Variants in PLCB1 observed in about 807,000 individuals in gnomAD.
PLCB1 encodes the protein 1-phosphatidylinositol 4,5-bisphosphate phosphodiesterase beta-1.
A neutral mutation model predicts 161.8 loss-of-function variants in PLCB1; 46 were observed. The ratio of observed to expected loss-of-function variants is 0.28; its 90% CI spans 0.22 to 0.36. The LOEUF is 0.36. PLCB1 is among the 10% of genes least tolerant of loss of function. The pLI is 1.00. For missense variants in PLCB1, 1,016 were observed against 1,472.5 expected (o/e 0.69, Z 5.07); for synonymous variants, 517 against 503.7 (o/e 1.03, Z -0.35).
intron 3 of PLCB1, among the ~76,000 whole-genome samples, chr20:8,590,194 C>T (rs1214784628): frequency 6.6e-6 from 1 of 152,122 alleles, no homozygotes; most frequent in Non-Finnish European, 1.5e-5. Flanking sequence ...CTGAGACATC[C>T]TTGAAGAATT....
At chr20:8,430,427 G>C (rs1979987343) in intron 3 of PLCB1, among the ~76,000 whole-genome samples, 1 of 149,838 alleles carries the variant, frequency 6.7e-6, no homozygotes, top group African/African-American at 2.4e-5. Context: ...GAAATAGCAG[G>C]CTAAGCTGAT....
At chr20:8,526,476 C>T (rs1459312295) in intron 3 of PLCB1, among the ~76,000 whole-genome samples, 1 of 152,072 alleles carries the variant, frequency 6.6e-6, no homozygotes, top group Non-Finnish European at 1.5e-5. Flanking sequence ...TCATTTGGAA[C>T]TAGAAAATCA....
intron 31 of PLCB1, among the ~76,000 whole-genome samples, chr20:8,808,668 A>G (rs1330146368): frequency 2.6e-5 from 4 of 152,210 alleles, no homozygotes; most frequent in African/African-American, 9.6e-5. Context: ...GATAGATAAC[A>G]TAGGGTTCTA....
chr20:8,314,961 T>C (rs1984571490), intron 2 of PLCB1, among the ~76,000 whole-genome samples: 1 of 152,318 alleles, frequency 6.6e-6, no homozygotes, highest in African/African-American at 2.4e-5. Context: ...GATTTGACCT[T>C]ATGCAATTGT....
intron 2 of PLCB1, among the ~76,000 whole-genome samples, chr20:8,173,151 T>C (rs894046925): frequency 1.3e-5 from 2 of 152,106 alleles, no homozygotes; most frequent in African/African-American, 2.4e-5. Flanking sequence ...CCCATGCCCA[T>C]GACAACAAGC....
intron 3 of PLCB1, among the ~76,000 whole-genome samples, chr20:8,484,345 A>AGCT (rs1182912251): frequency 6.7e-6 from 1 of 148,210 alleles, no homozygotes; most frequent in Non-Finnish European, 1.5e-5. Context: ...ATCTTTTGCT[A>AGCT]GCTGCTGCTT....
intron 3 of PLCB1, among the ~76,000 whole-genome samples, chr20:8,612,834 G>A (rs1056090690): frequency 1.6e-4 from 25 of 152,092 alleles, no homozygotes; most frequent in African/African-American, 5.1e-4. Flanking sequence ...AGCTGTACCC[G>A]CAAGAAGGAC....
chr20:8,823,354 C>T (rs959947900), intron 31 of PLCB1, among the ~76,000 whole-genome samples: 2 of 152,092 alleles, frequency 1.3e-5, no homozygotes, highest in African/African-American at 4.8e-5. Context: ...AACTCCTGAC[C>T]TCAGGTGATC....
chr20:8,484,407 G>C (rs1982636205), intron 3 of PLCB1, among the ~76,000 whole-genome samples: 1 of 150,404 alleles, frequency 6.6e-6, no homozygotes, highest in African/African-American at 2.5e-5. Flanking sequence ...TGTCGTCCAG[G>C]CTGGAATGCA....
intron 2 of PLCB1, among the ~76,000 whole-genome samples, chr20:8,176,486 T>C (rs2051785275): frequency 6.6e-6 from 1 of 152,170 alleles, no homozygotes; most frequent in Non-Finnish European, 1.5e-5. Flanking sequence ...GGCACAGGCG[T>C]AGGCAGGGAG....
chr20:8,766,353 T>C (rs1001035080), intron 26 of PLCB1, among the ~76,000 whole-genome samples: 1 of 152,170 alleles, frequency 6.6e-6, no homozygotes, highest in Non-Finnish European at 1.5e-5. Flanking sequence ...TTCTGACATG[T>C]TGATCTGCAA....
chr20:8,342,623 C>T (rs1600329498), intron 2 of PLCB1, among the ~76,000 whole-genome samples: 1 of 152,170 alleles, frequency 6.6e-6, no homozygotes, highest in Non-Finnish European at 1.5e-5. Context: ...CTGTTACTGG[C>T]AAGCCTGAAT....
At chr20:8,173,741 A>G (rs563049619) in intron 2 of PLCB1, among the ~76,000 whole-genome samples, 15 of 152,214 alleles carry the variant, frequency 9.9e-5, no homozygotes, top group Non-Finnish European at 2.1e-4. Context: ...GCAGTCAAAA[A>G]CAAATTATTT....
Position 8,132,865 on chromosome 20 carries a change from G to A in PLCB1, c.99+115G>A, listed in dbSNP as rs1368136147. The A allele has an allele frequency of 1.4e-6, 1 of 704,246 alleles. No individual in the cohort carries two copies. Among genetic ancestry groups the A allele is most frequent in the African/African-American group, 1.8e-5 (1 of 55,240 alleles). 43.6% of individuals were successfully genotyped at this position (704,246 alleles called of 1,614,324 possible). ...AATGGGCGCACTGGGAGCGGGCAGG[G>A]GCAGCCTCGGGCGCACAGGTTGGCA... On this transcript the variant is annotated intron_variant, in intron 1 of 31. Coordinates refer to ENST00000338037, the MANE Select transcript of PLCB1 (RefSeq NM_015192.4). This position sits in a 1 kb window ranked among gnomAD's most constrained non-coding sequence, Gnocchi z 5.2.
At chr20:8,544,635 C>T (rs1045409982) in intron 3 of PLCB1, among the ~76,000 whole-genome samples, 10 of 152,178 alleles carry the variant, frequency 6.6e-5, no homozygotes, top group African/African-American at 1.9e-4. Context: ...TTCCAAGATG[C>T]ATTCACATCA....
chr20:8,391,785 G>GTATA lies in PLCB1; in HGVS notation c.246+20372_246+20375dup, dbSNP rs374178427. ...GAAGTATATATATATATATGTGTGT[G>GTATA]TATATATATATATATATATATATAT... On this transcript the variant is annotated intron_variant, in intron 3 of 31. Transcript: ENST00000338037. Among the ~76,000 whole-genome samples, 374 of 115,040 alleles carry GTATA rather than the reference G, an allele frequency of 3.3e-3. 1 individual carries two copies. Among genetic ancestry groups the GTATA allele is most frequent in the Middle Eastern group, 0.011 (2 of 190 alleles). The allele number at this position is 115,040 out of a possible 152,430, so 75.5% of individuals were successfully genotyped here. A position where few individuals can be genotyped will look rare whatever the true frequency, so the allele number is the denominator to read the frequency against.
chr20:8,629,877 CTCTCTCTCTTTCT>C (rs1988497097), intron 4 of PLCB1, among the ~76,000 whole-genome samples: 1 of 64,374 alleles, frequency 1.6e-5, no homozygotes, highest in Non-Finnish European at 3.3e-5. Context: ...TTCTTTCTTT[CTCTCTCTCTTTCT>C]TTTCTTTCTT....
At chr20:8,222,656 T>G (rs1979474570) in intron 2 of PLCB1, among the ~76,000 whole-genome samples, 1 of 152,154 alleles carries the variant, frequency 6.6e-6, no homozygotes, top group Non-Finnish European at 1.5e-5. Context: ...TCTTCAAATA[T>G]CTTGTCCCAC....
chr20:8,797,770 C>G (rs533634384), intron 31 of PLCB1, among the ~76,000 whole-genome samples: 1 of 152,342 alleles, frequency 6.6e-6, no homozygotes, highest in African/African-American at 2.4e-5. Flanking sequence ...AGGGTGAACA[C>G]ACAATTTCCA....
Sources: allele counts gnomAD v4.1 joint callset (sites outside exome capture counted in the v4.1 genomes callset), GRCh38; gene constraint gnomAD v4.1.1; non-coding constraint Gnocchi (gnomAD v3.1); transcripts MANE v1.5; gene names NCBI Gene and HGNC (gene_info 2026-07-23, HGNC 2026-07-21).